ATG3: variants seen among roughly 807,000 people sequenced by gnomAD.
The protein encoded by ATG3 is autophagy related 3.
Under a neutral mutation model 50.7 loss-of-function variants are expected in ATG3, and 25 were observed. That is an observed-to-expected ratio of 0.49 (90% CI 0.36 to 0.69). ATG3 has a LOEUF of 0.69. Ranked by LOEUF, ATG3 falls within the 30% of genes least tolerant of loss-of-function variation. ATG3 has a pLI of 0.00. For synonymous variants in ATG3, 119 were observed against 125.5 expected (o/e 0.95, Z 0.34); for missense variants, 281 against 376.0 (o/e 0.75, Z 2.09).
intron 6 of ATG3, among the ~76,000 whole-genome samples, chr3:112,543,365 A>G (rs545772807): frequency 6.6e-6 from 1 of 152,268 alleles, no homozygotes; most frequent in East Asian, 1.9e-4. Flanking sequence ...TGAAAAGCTA[A>G]TCTAATACCT....
In ATG3 at chr3:112,532,703, A is replaced by T; in HGVS notation, c.941T>A (p.Met314Lys). ...ATAGATTTTATGCTCTCTTCATTACATTGTGAAGTGTCTTGTGTAGTCATA... is the reference window on the plus strand; with the variant it reads ...ATAGATTTTATGCTCTCTTCATTACTTTGTGAAGTGTCTTGTGTAGTCATA... ...IEYDYTRHFTM is the reference protein window; with the variant it reads ...IEYDYTRHFTK The change falls in exon 12 of 12, where the codon ATG becomes AAG. Residue 314 changes from methionine (M) to lysine (K), a missense_variant. By Grantham distance (95) the Met-to-Lys change is moderately conservative. Coordinates refer to ENST00000283290, the MANE Select transcript of ATG3 (RefSeq NM_022488.5). 6.3e-7 allele frequency: 1 copy of T among 1,583,400 alleles called. No individual in the cohort carries two copies. The highest frequency in any genetic ancestry group is 8.6e-7 in the Non-Finnish European group (1 of 1,164,462).
intron 2 of ATG3, among the ~76,000 whole-genome samples, chr3:112,554,119 A>G (rs1269650107): frequency 6.6e-6 from 1 of 152,228 alleles, no homozygotes; most frequent in African/African-American, 2.4e-5. Flanking sequence ...TGGCGAACAG[A>G]AATCCTGCTT....
chr3:112,553,261 T>C lies in ATG3; in HGVS notation c.164+19A>G. ...CATGCATTTTACTAATTTTCTATTCTTTACTCAATATTACTTACCATTGCC... is the reference window on the plus strand; with the variant it reads ...CATGCATTTTACTAATTTTCTATTCCTTACTCAATATTACTTACCATTGCC... On this transcript the variant is annotated intron_variant, in intron 3 of 11. Coordinates refer to ENST00000283290, the MANE Select transcript of ATG3 (RefSeq NM_022488.5). 2 of 1,590,754 alleles carry C rather than the reference T, an allele frequency of 1.3e-6. No individual in the cohort carries two copies. The highest frequency in any genetic ancestry group is 2.2e-5 in the South Asian group (2 of 89,864).
intron 5 of ATG3, among the ~76,000 whole-genome samples, chr3:112,546,512 T>G (rs1397656315): frequency 6.6e-6 from 1 of 152,242 alleles, no homozygotes; most frequent in Admixed American, 6.5e-5. Context: ...TTAATATTTT[T>G]GGACCATGGT....
chr3:112,536,380 TTC>T (rs757606779), intron 10 of ATG3, 93 bp downstream of exon 10: 4 of 1,447,260 alleles, frequency 2.8e-6, no homozygotes, highest in Admixed American at 4.1e-5. Flanking sequence ...GAAAATTTTT[TTC>T]TGTTAGGGTT....
chr3:112,533,850 C>A lies in ATG3; in HGVS notation c.863+419G>T, dbSNP rs75796948. On this transcript the variant is annotated intron_variant, in intron 11 of 11. Transcript: ENST00000283290. ...TTTTAAGAATATCTAAAGCACTTCA[C>A]GTAGTACATTACTTTTAATTAACGT... 3.7e-4 allele frequency: 368 copies of A among 991,432 alleles called. 1 individual carries two copies. In the African/African-American group the frequency reaches 6.1e-3, roughly 16 times the overall value. The allele number at this position is 991,432 out of a possible 1,614,324, so 61.4% of individuals were successfully genotyped here.
At chr3:112,538,068 T>G (rs1007161082) in intron 8 of ATG3, 78 bp downstream of exon 8, 2 of 1,279,352 alleles carry the variant, frequency 1.6e-6, no homozygotes. Flanking sequence ...CTTTGAAAGA[T>G]CAATATATTA....
chr3:112,551,135 G>C (rs1047469640), intron 3 of ATG3, among the ~76,000 whole-genome samples: 1 of 152,138 alleles, frequency 6.6e-6, no homozygotes, highest in African/African-American at 2.4e-5. Context: ...GAGGTGGAGT[G>C]GTATGTGGTG....
chr3:112,556,400 G>A (rs1340274759), intron 2 of ATG3, among the ~76,000 whole-genome samples: 3 of 147,324 alleles, frequency 2.0e-5, no homozygotes, highest in Admixed American at 1.3e-4. Flanking sequence ...CGGGAGGGAG[G>A]TGGGGGGGTC....
intron 4 of ATG3, among the ~76,000 whole-genome samples, chr3:112,549,988 C>T (rs1360383857): frequency 1.3e-5 from 2 of 152,052 alleles, no homozygotes; most frequent in Non-Finnish European, 2.9e-5. Flanking sequence ...ATGAAGCCAA[C>T]TTCAAAAAAA....
intron 1 of ATG3, 55 bp downstream of exon 1, chr3:112,561,402 C>T: frequency 6.4e-7 from 1 of 1,573,106 alleles, no homozygotes; most frequent in Non-Finnish European, 8.7e-7. Flanking sequence ...GGCGCCTGGT[C>T]CCTGAAAAGT....
At chr3:112,550,087 G>A in intron 4 of ATG3, 105 bp downstream of exon 4, 1 of 705,914 alleles carries the variant, frequency 1.4e-6, no homozygotes, top group Non-Finnish European at 2.3e-6. Context: ...AACAGAAAGA[G>A]GTGATAAAAC....
chr3:112,544,771 G>T (rs1933329194), intron 5 of ATG3, among the ~76,000 whole-genome samples: 1 of 151,704 alleles, frequency 6.6e-6, no homozygotes, highest in East Asian at 1.9e-4. Flanking sequence ...CTTAATATAG[G>T]CTGATTATCC....
chr3:112,548,081 C>T (rs1175147692), intron 5 of ATG3, among the ~76,000 whole-genome samples: 1 of 152,142 alleles, frequency 6.6e-6, no homozygotes, highest in African/African-American at 2.4e-5. Context: ...TGGCCGGGCG[C>T]AGTGGCTCAT....
At chr3:112,556,388 T>A (rs928997906) in intron 2 of ATG3, among the ~76,000 whole-genome samples, 4 of 131,600 alleles carry the variant, frequency 3.0e-5, no homozygotes, top group African/African-American at 1.2e-4. Flanking sequence ...AGCCGCCCCA[T>A]CCGGGAGGGA....
At chr3:112,546,106 G>A (rs568748949) in intron 5 of ATG3, among the ~76,000 whole-genome samples, 25 of 152,002 alleles carry the variant, frequency 1.6e-4, no homozygotes, top group African/African-American at 6.0e-4. Context: ...AGACTTGCCA[G>A]CCCATATAAT....
chr3:112,544,407 A>G (rs942160714), intron 5 of ATG3, among the ~76,000 whole-genome samples: 2 of 152,144 alleles, frequency 1.3e-5, no homozygotes, highest in African/African-American at 4.8e-5. Context: ...TGTAATCCCA[A>G]TGCTTTGGGA....
At chr3:112,546,832 C>T (rs1341315407) in intron 5 of ATG3, among the ~76,000 whole-genome samples, 1 of 152,176 alleles carries the variant, frequency 6.6e-6, no homozygotes, top group African/African-American at 2.4e-5. Flanking sequence ...TTTCACTACT[C>T]AGTGGGGCGG....
chr3:112,561,885 A>C lies in ATG3; in HGVS notation c.-357T>G. The stretch of plus-strand genomic sequence containing the variant: ...GAGCTGTCTGTCCTCGCTTTGCTTC[A>C]CTCGCGCCCCTTCCGGCTTCCCTTC... On this transcript the variant is annotated 5_prime_UTR_variant, in exon 1 of 12. Coordinates refer to ENST00000283290, the MANE Select transcript of ATG3 (RefSeq NM_022488.5). The C allele has an allele frequency of 2.7e-5, 7 of 256,182 alleles. No individual in the cohort carries two copies. The highest frequency in any genetic ancestry group is 5.0e-5 in the South Asian group (1 of 19,990). The allele number at this position is 256,182 out of a possible 1,614,324, so 15.9% of individuals were successfully genotyped here. A position where few individuals can be genotyped will look rare whatever the true frequency, so the allele number is the denominator to read the frequency against.
Sources: allele counts gnomAD v4.1 joint callset (sites outside exome capture counted in the v4.1 genomes callset), GRCh38; gene constraint gnomAD v4.1.1; transcripts MANE v1.5; gene names NCBI Gene and HGNC (gene_info 2026-07-23, HGNC 2026-07-21).